Variants in IRAK2 observed in about 807,000 individuals in gnomAD.
The protein encoded by IRAK2 is interleukin 1 receptor associated kinase 2.
Under a neutral mutation model 72.0 loss-of-function variants are expected in IRAK2, and 57 were observed. That is an observed-to-expected ratio of 0.79 (90% CI 0.64 to 0.99). IRAK2 has a LOEUF of 0.99. Among genes scored for constraint, IRAK2 ranks in the 50% least tolerant of loss-of-function variants. The pLI, the probability that IRAK2 is intolerant of heterozygous loss-of-function variation, is 0.00. For missense variants in IRAK2, 790 were observed against 794.4 expected (o/e 0.99, Z 0.07); for synonymous variants, 293 against 312.7 (o/e 0.94, Z 0.67).
intron 10 of IRAK2, among the ~76,000 whole-genome samples, chr3:10,229,239 C>G (rs1190074117): frequency 6.6e-6 from 1 of 151,954 alleles, no homozygotes; most frequent in East Asian, 1.9e-4. Flanking sequence ...CTGCGCCTGG[C>G]CAAATTTAAT....
intron 2 of IRAK2, among the ~76,000 whole-genome samples, chr3:10,197,469 G>T (rs1697288436): frequency 6.6e-6 from 1 of 151,872 alleles, no homozygotes; most frequent in South Asian, 2.1e-4. Context: ...CTATTTAAGA[G>T]ATAACCAATA....
At chr3:10,178,579 C>G (rs577863161) in intron 2 of IRAK2, among the ~76,000 whole-genome samples, 3 of 152,182 alleles carry the variant, frequency 2.0e-5, no homozygotes, top group African/African-American at 7.2e-5. Flanking sequence ...TATTTCATAC[C>G]TTTTAAATTT....
At chr3:10,175,717 G>C (rs1015399626) in intron 1 of IRAK2, among the ~76,000 whole-genome samples, 1 of 151,682 alleles carries the variant, frequency 6.6e-6, no homozygotes, top group Non-Finnish European at 1.5e-5. Flanking sequence ...GTGAAACCTG[G>C]TCTCTACTAA....
intron 1 of IRAK2, among the ~76,000 whole-genome samples, chr3:10,169,821 G>A (rs1193387500): frequency 6.6e-6 from 1 of 152,152 alleles, no homozygotes; most frequent in African/African-American, 2.4e-5. Flanking sequence ...ATTAAAGACA[G>A]GCATAGGAAA....
At chr3:10,188,014 T>C (rs1442216589) in intron 2 of IRAK2, among the ~76,000 whole-genome samples, 2 of 152,142 alleles carry the variant, frequency 1.3e-5, no homozygotes, top group African/African-American at 2.4e-5. Flanking sequence ...GAGGGGACTG[T>C]GGGCCGGGCT....
At chr3:10,219,655 G>A (rs761226583) in intron 7 of IRAK2, 25 bp from the exon 8 acceptor site, 114 of 1,564,832 alleles carry the variant, frequency 7.3e-5, no homozygotes, top group Non-Finnish European at 9.8e-5. Flanking sequence ...GTGACTATTT[G>A]TCCTCCTGCT....
intron 3 of IRAK2, among the ~76,000 whole-genome samples, chr3:10,203,414 A>C (rs542049969): frequency 6.6e-6 from 1 of 152,366 alleles, no homozygotes; most frequent in African/African-American, 2.4e-5. Flanking sequence ...AATTGAAAAT[A>C]AGAAATCATT....
At chr3:10,186,701 A>G (rs1336426943) in intron 2 of IRAK2, among the ~76,000 whole-genome samples, 2 of 151,372 alleles carry the variant, frequency 1.3e-5, no homozygotes, top group East Asian at 3.9e-4. Context: ...CTGCTGAGGC[A>G]GACTCTTGAG....
At chr3:10,227,181 C>A (rs1336543274) in intron 10 of IRAK2, among the ~76,000 whole-genome samples, 1 of 152,028 alleles carries the variant, frequency 6.6e-6, no homozygotes, top group African/African-American at 2.4e-5. Context: ...TGTGGTGGCT[C>A]ACACCTCTAA....
In IRAK2 at chr3:10,192,768, A is replaced by C. The variant is rs1697197631; in HGVS notation, c.278-7601A>C. 4.6e-5 allele frequency among the ~76,000 whole-genome samples: 7 copies of C among 152,090 alleles called. No individual in the cohort carries two copies. The South Asian group carries it at 1.4e-3, about 31-fold the overall frequency. On this transcript the variant is annotated intron_variant, in intron 2 of 12. Transcript: ENST00000256458. ...ACCCCGTCTCTACTAAAAATACAAAAATTAGCCGGGCGTGATGGTGTCTGC... is the reference window on the plus strand; with the variant it reads ...ACCCCGTCTCTACTAAAAATACAAACATTAGCCGGGCGTGATGGTGTCTGC...
chr3:10,221,061 G>A (rs1348303965), intron 8 of IRAK2, among the ~76,000 whole-genome samples: 4 of 151,304 alleles, frequency 2.6e-5, no homozygotes, highest in Admixed American at 2.0e-4. Context: ...ACACACACCC[G>A]TGCATTTGCG....
At chr3:10,178,075 C>T in intron 2 of IRAK2, 55 bp downstream of exon 2, 1 of 1,418,208 alleles carries the variant, frequency 7.1e-7, no homozygotes. Flanking sequence ...TGAGCAGTTT[C>T]CATCCGTGTG....
Position 10,208,642 on chromosome 3 carries a change from A to G in IRAK2, c.425-947A>G, listed in dbSNP as rs375010826. 2.0e-3 allele frequency among the ~76,000 whole-genome samples: 310 copies of G among 151,876 alleles called. 6 individuals carry two copies. The South Asian group carries it at 0.043, about 21-fold the overall frequency. ...GCTGGGTGTGGTGGCGGGCGCCTGT[A>G]GTCCCAGCTACTCGGGAGGCTGAGG... On this transcript the variant is annotated intron_variant, in intron 3 of 12. Coordinates refer to ENST00000256458, the MANE Select transcript of IRAK2 (RefSeq NM_001570.4).
In IRAK2 at chr3:10,234,813, T is replaced by TA. The variant is rs1697927109; in HGVS notation, c.1473+154_1473+155insA. On this transcript the variant is annotated intron_variant, in intron 11 of 12. Coordinates refer to ENST00000256458, the MANE Select transcript of IRAK2 (RefSeq NM_001570.4). ...AGAGCTCCCATCAGCCAAAGGGCGG[T>TA]GTAGGGATGGATAGTGCGGAGCCCG... is the stretch of plus-strand genomic sequence containing the variant. Among the ~76,000 whole-genome samples the TA allele has an allele frequency of 2.0e-5, 3 of 152,174 alleles. No homozygotes were observed. The South Asian group carries it at 6.2e-4, about 32-fold the overall frequency.
intron 1 of IRAK2, 96 bp from the exon 2 acceptor site, chr3:10,177,742 A>C: frequency 8.3e-7 from 1 of 1,199,032 alleles, no homozygotes; most frequent in South Asian, 1.2e-5. Flanking sequence ...GTTGGGGAGG[A>C]TGTCCTGGAA....
chr3:10,221,099 A>C (rs1466472994), intron 8 of IRAK2, among the ~76,000 whole-genome samples: 1 of 151,228 alleles, frequency 6.6e-6, no homozygotes, highest in Non-Finnish European at 1.5e-5. Flanking sequence ...ACGCTAAAAA[A>C]GTTTTTTTTT....
chr3:10,202,813 T>C (rs1301620735), intron 3 of IRAK2, among the ~76,000 whole-genome samples: 1 of 147,624 alleles, frequency 6.8e-6, no homozygotes, highest in African/African-American at 2.5e-5. Context: ...CACTTCAGCC[T>C]CTCAAGTAGC....
intron 11 of IRAK2, among the ~76,000 whole-genome samples, chr3:10,235,388 C>A (rs1697940294): frequency 6.6e-6 from 1 of 151,982 alleles, no homozygotes; most frequent in Non-Finnish European, 1.5e-5. Flanking sequence ...ACCTTCGCCT[C>A]CCGGGTTCAA....
Position 10,208,989 on chromosome 3 carries a change from A to G in IRAK2, c.425-600A>G, listed in dbSNP as rs1189746769. On this transcript the variant is annotated intron_variant, in intron 3 of 12. Transcript: ENST00000256458. ...GGCCCTTCTACTGCCCCACCTCTGC[A>G]TGGGCTGGTTCCACTGCCCCATATC... is the stretch of plus-strand genomic sequence containing the variant. 3.9e-5 allele frequency among the ~76,000 whole-genome samples: 6 copies of G among 152,044 alleles called. No individual in the cohort carries two copies. The East Asian group carries it at 1.2e-3, about 29-fold the overall frequency.
Sources: gnomAD v4.1 joint callset for allele counts (sites outside exome capture counted in the v4.1 genomes callset) on GRCh38, gnomAD v4.1.1 for gene constraint, MANE v1.5 for transcripts, NCBI Gene and HGNC (gene_info 2026-07-23, HGNC 2026-07-21) for gene names.